Variants in NSD3 observed in about 807,000 individuals in gnomAD.
NSD3 encodes the protein nuclear receptor binding SET domain protein 3, also known as histone-lysine N-methyltransferase NSD3.
In NSD3, 24 loss-of-function variants were observed where a neutral mutation model predicts 160.8. The ratio of observed to expected loss-of-function variants is 0.15; its 90% confidence interval spans 0.11 to 0.21. The LOEUF (loss-of-function observed/expected upper bound fraction) is 0.21. Ranked by LOEUF, NSD3 falls within the 10% of genes least tolerant of loss-of-function variation. The pLI, the probability that NSD3 is intolerant of heterozygous loss-of-function variation, is 1.00. For missense variants in NSD3, 1,157 were observed against 1,735.9 expected (o/e 0.67, Z 5.93); for synonymous variants, 520 against 600.0 (o/e 0.87, Z 1.95).
intron 1 of NSD3, among the ~76,000 whole-genome samples, chr8:38,371,175 G>A (rs1353106846): frequency 6.6e-6 from 1 of 151,840 alleles, no homozygotes; most frequent in Non-Finnish European, 1.5e-5. Context: ...AAATACATAT[G>A]AAAAAATATT....
intron 1 of NSD3, among the ~76,000 whole-genome samples, chr8:38,349,663 C>A (rs936787298): frequency 3.6e-4 from 24 of 66,204 alleles, no homozygotes; most frequent in African/African-American, 8.6e-4. Flanking sequence ...TAATTTCTTT[C>A]TTTATATATA....
At chr8:38,277,140 C>T (rs748314429) in intron 22 of NSD3, among the ~76,000 whole-genome samples, 1 of 152,226 alleles carries the variant, frequency 6.6e-6, no homozygotes. Flanking sequence ...CGGGGTTTCA[C>T]TGTGTTGCCC....
chr8:38,318,921 G>C lies in NSD3; in HGVS notation c.1829C>G (p.Ala610Gly), dbSNP rs1809734166. The stretch of plus-strand genomic sequence containing the variant: ...TTTCTGTAATCCAGTCTTCACTGTA[G>C]CCTGAGGAACTGTTTCAACCTGTTT... ...KKEQVETVPQATVKTGLQKGA... is the reference protein window; with the variant it reads ...KKEQVETVPQGTVKTGLQKGA... Residue 610 changes from alanine (A) to glycine (G), a missense_variant, in exon 9 of 24, where the codon GCT becomes GGT. By Grantham distance (60) the Ala-to-Gly change is moderately conservative. Around this residue, in one of 10 missense-constraint regions of NSD3, gnomAD observed 102 missense variants for 126.5 expected, o/e 0.81. Transcript: ENST00000317025. This position sits in a 1 kb window ranked among gnomAD's most constrained non-coding sequence, Gnocchi z 5.3. 6.2e-7 allele frequency: 1 copy of C among 1,611,110 alleles called. No individual in the cohort carries two copies. Among genetic ancestry groups the C allele is most frequent in the East Asian group, 2.2e-5 (1 of 44,736 alleles).
chr8:38,328,419 T>G (rs1176763440), intron 6 of NSD3, among the ~76,000 whole-genome samples: 1 of 152,132 alleles, frequency 6.6e-6, no homozygotes, highest in Admixed American at 6.6e-5. Flanking sequence ...AAATATTCAT[T>G]TGCTATCAAG....
At chr8:38,376,336 C>T (rs1811386132) in intron 1 of NSD3, among the ~76,000 whole-genome samples, 1 of 152,078 alleles carries the variant, frequency 6.6e-6, no homozygotes, top group South Asian at 2.1e-4. Context: ...GATCTCTTGC[C>T]TCACTGCAGC....
chr8:38,370,902 T>A (rs899805349), intron 1 of NSD3, among the ~76,000 whole-genome samples: 2 of 152,122 alleles, frequency 1.3e-5, no homozygotes, highest in Non-Finnish European at 2.9e-5. Context: ...TTTTAAGTAA[T>A]TCTACTTCTA....
intron 14 of NSD3, 76 bp from the exon 15 acceptor site, chr8:38,299,666 C>T (rs1731661106): frequency 1.4e-6 from 2 of 1,394,914 alleles, no homozygotes; most frequent in Non-Finnish European, 1.9e-6. Flanking sequence ...TAAACCAACA[C>T]CTATTATGTA....
At position 38,290,656 on chromosome 8, in the gene NSD3, G is replaced by A. The variant is rs1563343933; in HGVS notation, c.2937C>T (p.Cys979=). The A allele has an allele frequency of 6.2e-7, 1 of 1,613,830 alleles. No homozygotes were observed. Among genetic ancestry groups the A allele is most frequent in the Middle Eastern group, 1.7e-4 (1 of 5,958 alleles). The change falls in exon 17 of 24, where the codon TGC becomes TGT. Residue 979 remains cysteine (C), a synonymous_variant. Coordinates refer to ENST00000317025, the MANE Select transcript of NSD3 (RefSeq NM_023034.2). ...GNYRWWPAEI[C]NPRSVPLNIQ... Reference sequence around the variant, plus strand: ...TGTTCAGTGGCACAGACCTGGGGTTGCAGATCTCTGCTGGCCACCATCTGA... The same window carrying A: ...TGTTCAGTGGCACAGACCTGGGGTTACAGATCTCTGCTGGCCACCATCTGA...
At chr8:38,373,817 G>A (rs764327879) in intron 1 of NSD3, among the ~76,000 whole-genome samples, 17 of 151,260 alleles carry the variant, frequency 1.1e-4, no homozygotes, top group Non-Finnish European at 2.1e-4. Context: ...TAGCTAGGGG[G>A]ACCAGCACAG....
intron 1 of NSD3, among the ~76,000 whole-genome samples, chr8:38,360,586 C>G (rs970258905): frequency 1.3e-5 from 2 of 152,164 alleles, no homozygotes; most frequent in Admixed American, 6.5e-5. Context: ...AACATCAATT[C>G]TCCAAATGAC....
At chr8:38,311,213 C>T (rs1343293643) in intron 12 of NSD3, among the ~76,000 whole-genome samples, 1 of 152,020 alleles carries the variant, frequency 6.6e-6, no homozygotes, top group African/African-American at 2.4e-5. Context: ...TTGCACCTGG[C>T]CCCCTGATTA....
At chr8:38,332,640 T>G (rs778619442) in intron 4 of NSD3, among the ~76,000 whole-genome samples, 1 of 152,270 alleles carries the variant, frequency 6.6e-6, no homozygotes, top group African/African-American at 2.4e-5. Context: ...TGAGTAAGCA[T>G]TGAGAAGCTC....
intron 1 of NSD3, among the ~76,000 whole-genome samples, chr8:38,357,478 C>CT (rs1810853435): frequency 6.6e-6 from 1 of 152,082 alleles, no homozygotes; most frequent in African/African-American, 2.4e-5. Context: ...TCCTCTGTGC[C>CT]TTTACTAATA....
At chr8:38,381,213 T>A (rs1811543140) in intron 1 of NSD3, among the ~76,000 whole-genome samples, 1 of 152,056 alleles carries the variant, frequency 6.6e-6, no homozygotes, top group African/African-American at 2.4e-5. Flanking sequence ...CCCAATCCTG[T>A]CTTCCAGTTT....
At chr8:38,367,526 A>G (rs1210972432) in intron 1 of NSD3, among the ~76,000 whole-genome samples, 1 of 152,152 alleles carries the variant, frequency 6.6e-6, no homozygotes, top group Non-Finnish European at 1.5e-5. Context: ...AGCCTGGCCA[A>G]CATGGTGAAA....
In NSD3 at chr8:38,275,811, GACAGAATTC is replaced by G; in HGVS notation, c.4135_4143del (p.Glu1379_Cys1381del). 6.2e-7 allele frequency: 1 copy of G among 1,614,142 alleles called. No individual in the cohort carries two copies. Among genetic ancestry groups the G allele is most frequent in the Non-Finnish European group, 8.5e-7 (1 of 1,180,030 alleles). On this transcript the variant is annotated inframe_deletion, in exon 24 of 24. Coordinates refer to ENST00000317025, the MANE Select transcript of NSD3 (RefSeq NM_023034.2). ...TCATGATCTTTACAAAATGAATGTG[GACAGAATTC>G]ACAGAAGGAAACAGCTGCACTGCTG...
intron 12 of NSD3, among the ~76,000 whole-genome samples, chr8:38,311,319 G>C (rs1809530886): frequency 1.3e-5 from 2 of 151,928 alleles, no homozygotes; most frequent in South Asian, 4.2e-4. Flanking sequence ...ATTTTGAATT[G>C]TTTCGTTTTT....
intron 1 of NSD3, among the ~76,000 whole-genome samples, chr8:38,364,208 T>C (rs1008147200): frequency 6.6e-6 from 1 of 151,590 alleles, no homozygotes; most frequent in East Asian, 1.9e-4. Context: ...ACCTGGGAGG[T>C]GGAGGTTGCA....
At chr8:38,308,766 T>C (rs1002023950) in intron 12 of NSD3, among the ~76,000 whole-genome samples, 8 of 152,138 alleles carry the variant, frequency 5.3e-5, no homozygotes, top group Non-Finnish European at 1.0e-4. Context: ...CAGTGAGCTA[T>C]GATCATGCCA....
Sources: gnomAD v4.1 joint callset for allele counts (sites outside exome capture counted in the v4.1 genomes callset) on GRCh38, gnomAD v4.1.1 for gene constraint, gnomAD v4.1.1 regional missense constraint, Gnocchi (gnomAD v3.1) non-coding constraint, MANE v1.5 for transcripts, NCBI Gene and HGNC (gene_info 2026-07-23, HGNC 2026-07-21) for gene names.